Variants in ASIC2 observed in about 807,000 individuals in gnomAD.
ASIC2 encodes acid sensing ion channel subunit 2, also known as acid-sensing ion channel 2.
Under a neutral mutation model 57.3 loss-of-function variants are expected in ASIC2, and 25 were observed. The ratio of observed to expected loss-of-function variants is 0.44; its 90% CI spans 0.32 to 0.61. The LOEUF (loss-of-function observed/expected upper bound fraction) is 0.61. ASIC2 is among the 20% of genes least tolerant of loss of function. The probability of loss-of-function intolerance (pLI) is 0.06; values close to 1 mark genes in which losing one functional copy is unlikely to be tolerated. For missense variants in ASIC2, 641 were observed against 738.1 expected (o/e 0.87, Z 1.52); for synonymous variants, 319 against 307.5 (o/e 1.04, Z -0.39).
At chr17:33,330,509 A>G (rs1033533895) in intron 1 of ASIC2, among the ~76,000 whole-genome samples, 3 of 152,180 alleles carry the variant, frequency 2.0e-5, no homozygotes, top group African/African-American at 7.2e-5. Flanking sequence ...GCTCAGTCAT[A>G]TTGGCTTCAT....
chr17:33,617,509 G>A (rs1479528202), intron 1 of ASIC2, among the ~76,000 whole-genome samples: 1 of 128,294 alleles, frequency 7.8e-6, no homozygotes, highest in Non-Finnish European at 1.8e-5. Flanking sequence ...AGGGTGGAGG[G>A]AGGGAGGAGG....
chr17:33,033,395 C>T (rs1277088156), intron 3 of ASIC2, among the ~76,000 whole-genome samples: 1 of 152,218 alleles, frequency 6.6e-6, no homozygotes, highest in East Asian at 1.9e-4. Flanking sequence ...CAGACCTGGG[C>T]CTCTCACTCC....
intron 1 of ASIC2, among the ~76,000 whole-genome samples, chr17:33,117,990 T>C (rs2092287510): frequency 6.6e-6 from 1 of 152,162 alleles, no homozygotes; most frequent in African/African-American, 2.4e-5. Flanking sequence ...TATTCTCTGA[T>C]GATGTTAAGC....
chr17:33,871,101 C>T (rs1464272332), intron 1 of ASIC2, among the ~76,000 whole-genome samples: 1 of 152,194 alleles, frequency 6.6e-6, no homozygotes, highest in Non-Finnish European at 1.5e-5. Context: ...TCCCCTCCTC[C>T]TCTCCCTTCC....
chr17:33,505,967 T>A (rs1164116103), intron 1 of ASIC2, among the ~76,000 whole-genome samples: 4 of 152,232 alleles, frequency 2.6e-5, no homozygotes, highest in Admixed American at 2.6e-4. Context: ...GATTGCTTTT[T>A]AAAAATCTCT....
At chr17:33,032,350 ATAT>A (rs891205458) in intron 3 of ASIC2, among the ~76,000 whole-genome samples, 1 of 151,778 alleles carries the variant, frequency 6.6e-6, no homozygotes, top group African/African-American at 2.4e-5. Flanking sequence ...CCTTGAATTA[ATAT>A]TATGCCAGTT....
At chr17:33,800,500 A>T (rs1022358683) in intron 1 of ASIC2, among the ~76,000 whole-genome samples, 10 of 152,158 alleles carry the variant, frequency 6.6e-5, no homozygotes, top group Non-Finnish European at 1.3e-4. Context: ...ACCCTTTCTA[A>T]CTGCTTTATC....
chr17:33,684,481 G>A (rs1450029611), intron 1 of ASIC2, among the ~76,000 whole-genome samples: 2 of 151,894 alleles, frequency 1.3e-5, no homozygotes, highest in Non-Finnish European at 2.9e-5. Flanking sequence ...CCTGACCCTG[G>A]GTTGGGCGCG....
At chr17:34,091,294 A>G (rs1006118363) in intron 1 of ASIC2, among the ~76,000 whole-genome samples, 2 of 152,250 alleles carry the variant, frequency 1.3e-5, no homozygotes, top group Non-Finnish European at 2.9e-5. Context: ...AGATGTGATA[A>G]CCACATCCAG....
intron 1 of ASIC2, among the ~76,000 whole-genome samples, chr17:33,695,609 G>A (rs1908500500): frequency 6.6e-6 from 1 of 152,188 alleles, no homozygotes; most frequent in South Asian, 2.1e-4. Flanking sequence ...CTTCCCAAGA[G>A]TGCTGCTTTC....
intron 1 of ASIC2, among the ~76,000 whole-genome samples, chr17:34,141,121 A>T (rs1023094364): frequency 4.6e-5 from 7 of 151,972 alleles, no homozygotes; most frequent in Admixed American, 3.9e-4. Flanking sequence ...ACAAACCAAA[A>T]TTGAAGATCA....
At chr17:33,512,658 G>A (rs770339469) in intron 1 of ASIC2, among the ~76,000 whole-genome samples, 19 of 152,254 alleles carry the variant, frequency 1.2e-4, no homozygotes, top group African/African-American at 4.3e-4. Flanking sequence ...CTCTAGCTAG[G>A]CCCAAGCTTG....
At chr17:33,702,016 G>A (rs1208240402) in intron 1 of ASIC2, among the ~76,000 whole-genome samples, 1 of 152,186 alleles carries the variant, frequency 6.6e-6, no homozygotes, top group African/African-American at 2.4e-5. Flanking sequence ...GGGTGGGGAA[G>A]GTCTCACTTT....
At chr17:33,528,761 A>G (rs977608114) in intron 1 of ASIC2, among the ~76,000 whole-genome samples, 1 of 152,226 alleles carries the variant, frequency 6.6e-6, no homozygotes, top group Non-Finnish European at 1.5e-5. Context: ...AAACCATTGC[A>G]TGAATCACCC....
chr17:33,824,472 G>GAAA (rs1912846558), intron 1 of ASIC2, among the ~76,000 whole-genome samples: 1 of 151,578 alleles, frequency 6.6e-6, no homozygotes, highest in East Asian at 1.9e-4. Context: ...AAGAAAAAAG[G>GAAA]CTGTATAGCA....
intron 1 of ASIC2, among the ~76,000 whole-genome samples, chr17:33,969,490 G>C (rs995184841): frequency 1.3e-5 from 2 of 152,194 alleles, no homozygotes; most frequent in Admixed American, 1.3e-4. Context: ...CTATCTGCAA[G>C]GTGGTCCCAA....
At chr17:34,106,394 T>G (rs967069551) in intron 1 of ASIC2, among the ~76,000 whole-genome samples, 1 of 152,126 alleles carries the variant, frequency 6.6e-6, no homozygotes. Flanking sequence ...TTTACCCATT[T>G]TTACTACGAT....
intron 1 of ASIC2, among the ~76,000 whole-genome samples, chr17:33,380,074 C>T (rs1909424016): frequency 6.6e-6 from 1 of 151,394 alleles, no homozygotes. Context: ...AGTGAAACCC[C>T]ATCTCTAGTA....
At chr17:34,145,986 A>G (rs1350182263) in intron 1 of ASIC2, among the ~76,000 whole-genome samples, 3 of 152,244 alleles carry the variant, frequency 2.0e-5, no homozygotes, top group African/African-American at 7.2e-5. Context: ...CAAACTTAGG[A>G]AATGAGAATG....
Sources: allele counts gnomAD v4.1 joint callset (sites outside exome capture counted in the v4.1 genomes callset), GRCh38; gene constraint gnomAD v4.1.1; transcripts MANE v1.5; gene names NCBI Gene and HGNC (gene_info 2026-07-23, HGNC 2026-07-21).